The following LRRC28 variants were observed in gnomAD, a reference collection of about 807,000 sequenced individuals.
LRRC28 encodes the protein leucine-rich repeat-containing protein 28.
Under a neutral mutation model 45.7 loss-of-function variants are expected in LRRC28, and 39 were observed. That is an observed-to-expected ratio of 0.85 (90% CI 0.66 to 1.12). The LOEUF (loss-of-function observed/expected upper bound fraction) is 1.12. Among genes scored for constraint, LRRC28 ranks in the 50% most tolerant of loss-of-function variants. The pLI is 0.00. For missense variants in LRRC28, 435 were observed against 438.5 expected (o/e 0.99, Z 0.07); for synonymous variants, 206 against 178.8 (o/e 1.15, Z -1.22).
chr15:99,276,658 A>ATTC, intron 3 of LRRC28, 42 bp downstream of exon 3: 2 of 1,428,324 alleles, frequency 1.4e-6, no homozygotes, highest in South Asian at 1.5e-5. Context: ...AAGAATGAAA[A>ATTC]TAATTCTAAG....
intron 2 of LRRC28, among the ~76,000 whole-genome samples, chr15:99,275,624 GGAGTCCACAATCAAGGTGT>G (rs1483597355): frequency 6.6e-6 from 1 of 152,204 alleles, no homozygotes; most frequent in African/African-American, 2.4e-5. Context: ...CTTGAGGCAG[GGAGTCCACAATCAAGGTGT>G]GATTTGGATT....
chr15:99,313,447 C>A (rs762146428), intron 5 of LRRC28, among the ~76,000 whole-genome samples: 1 of 151,998 alleles, frequency 6.6e-6, no homozygotes, highest in Non-Finnish European at 1.5e-5. Context: ...ACTCTCCACT[C>A]AACACAAGCA....
intron 2 of LRRC28, among the ~76,000 whole-genome samples, chr15:99,271,274 C>T (rs1291520937): frequency 1.4e-5 from 2 of 147,434 alleles, no homozygotes; most frequent in Non-Finnish European, 3.0e-5. Flanking sequence ...TTGATGACAT[C>T]CAGTGTATCT....
At chr15:99,361,549 AT>A in intron 8 of LRRC28, 38 bp downstream of exon 8, 1 of 1,536,876 alleles carries the variant, frequency 6.5e-7, no homozygotes, top group Non-Finnish European at 8.7e-7. Context: ...TTTCTCTCTC[AT>A]TTAGTGAACA....
At chr15:99,261,728 G>A (rs531638922) in intron 2 of LRRC28, among the ~76,000 whole-genome samples, 3 of 151,724 alleles carry the variant, frequency 2.0e-5, no homozygotes, top group Admixed American at 1.3e-4. Context: ...CTCTGTCTCC[G>A]CTTACAGCAA....
intron 5 of LRRC28, among the ~76,000 whole-genome samples, chr15:99,320,388 T>C (rs1019621311): frequency 3.9e-5 from 6 of 152,204 alleles, no homozygotes; most frequent in African/African-American, 1.4e-4. Context: ...TTGTGTCCTA[T>C]ACTGGCAGAC....
intron 9 of LRRC28, among the ~76,000 whole-genome samples, chr15:99,380,804 G>C (rs1957796487): frequency 6.6e-6 from 1 of 152,152 alleles, no homozygotes. Context: ...GCTTAATTTG[G>C]CTGGATATGA....
rs565921036 is a variant in LRRC28, at chr15:99,251,535, C to T, written c.-67C>T. ...CGCTCCGGAGCGCTGGCTCTGCTGGCGCTGAGGTGAGTAGAGCTGTCCGCC... is the reference window on the plus strand; with the variant it reads ...CGCTCCGGAGCGCTGGCTCTGCTGGTGCTGAGGTGAGTAGAGCTGTCCGCC... On this transcript the variant is annotated 5_prime_UTR_variant, in exon 1 of 10. Coordinates refer to ENST00000301981, the MANE Select transcript of LRRC28 (RefSeq NM_144598.5). 6.2e-4 allele frequency: 94 copies of T among 151,530 alleles called. No homozygotes were observed. The highest frequency in any genetic ancestry group is 2.2e-3 in the African/African-American group (90 of 41,380). The allele number at this position is 151,530 out of a possible 1,614,324, so 9.4% of individuals were successfully genotyped here. A position where few individuals can be genotyped will look rare whatever the true frequency, so the allele number is the denominator to read the frequency against.
chr15:99,271,282 T>C (rs1013580598), intron 2 of LRRC28, among the ~76,000 whole-genome samples: 3 of 134,870 alleles, frequency 2.2e-5, no homozygotes, highest in African/African-American at 7.5e-5. Flanking sequence ...ATCCAGTGTA[T>C]CTATTTTTTT....
chr15:99,259,835 G>T, intron 2 of LRRC28: 1 of 837,994 alleles, frequency 1.2e-6, no homozygotes, highest in South Asian at 1.3e-5. Flanking sequence ...TATGGAGATA[G>T]AATAGAAAGA....
intron 2 of LRRC28, among the ~76,000 whole-genome samples, chr15:99,257,379 A>G (rs1038945940): frequency 5.9e-5 from 9 of 152,212 alleles, no homozygotes; most frequent in African/African-American, 2.2e-4. Context: ...AAATATTTTG[A>G]CAAGGATTAT....
At chr15:99,288,064 ATTTG>A in intron 5 of LRRC28, 113 bp downstream of exon 5, 42 of 1,104,158 alleles carry the variant, frequency 3.8e-5, no homozygotes, top group Non-Finnish European at 4.9e-5. Context: ...GTATTTGTCC[ATTTG>A]TTTGAAGATG....
chr15:99,370,869 A>G (rs1266804316), intron 9 of LRRC28, among the ~76,000 whole-genome samples: 1 of 152,254 alleles, frequency 6.6e-6, no homozygotes, highest in African/African-American at 2.4e-5. Context: ...GGAAGGACTC[A>G]TACACCAAAG....
chr15:99,373,339 A>G (rs953569463), intron 9 of LRRC28, among the ~76,000 whole-genome samples: 4 of 151,950 alleles, frequency 2.6e-5, no homozygotes, highest in Admixed American at 2.6e-4. Flanking sequence ...TATTGGAACT[A>G]GGGTTCTAAC....
intron 6 of LRRC28, among the ~76,000 whole-genome samples, chr15:99,351,642 A>G (rs1309734558): frequency 1.3e-5 from 2 of 152,164 alleles, no homozygotes; most frequent in Admixed American, 6.5e-5. Flanking sequence ...CTGCCTAGCC[A>G]GTGCCTGATC....
chr15:99,358,648 A>G (rs890457652), intron 7 of LRRC28, among the ~76,000 whole-genome samples: 1 of 152,222 alleles, frequency 6.6e-6, no homozygotes, highest in Non-Finnish European at 1.5e-5. Context: ...ACTTAATAGG[A>G]TAAAAAGAAC....
chr15:99,347,186 T>C (rs1453098909), intron 6 of LRRC28, among the ~76,000 whole-genome samples: 1 of 151,664 alleles, frequency 6.6e-6, no homozygotes, highest in African/African-American at 2.4e-5. Context: ...TGTTTCAATC[T>C]CCTTGTGTAC....
chr15:99,314,960 C>A (rs1010531590), intron 5 of LRRC28, among the ~76,000 whole-genome samples: 3 of 152,110 alleles, frequency 2.0e-5, no homozygotes, highest in African/African-American at 7.2e-5. Flanking sequence ...TCTCTGAAAG[C>A]AATAAGATGT....
intron 7 of LRRC28, among the ~76,000 whole-genome samples, chr15:99,357,407 G>GA (rs1386853012): frequency 6.6e-6 from 1 of 152,160 alleles, no homozygotes; most frequent in Non-Finnish European, 1.5e-5. Flanking sequence ...GCACAGCAAT[G>GA]AAAATTAATA....
Sources: allele counts gnomAD v4.1 joint callset (sites outside exome capture counted in the v4.1 genomes callset), GRCh38; gene constraint gnomAD v4.1.1; transcripts MANE v1.5; gene names NCBI Gene and HGNC (gene_info 2026-07-23, HGNC 2026-07-21).